LRP1B: variants seen among roughly 807,000 people sequenced by gnomAD.
The protein encoded by LRP1B is LDL receptor related protein 1B.
In LRP1B, 217 loss-of-function variants were observed where a neutral mutation model predicts 556.6. That is an observed-to-expected ratio of 0.39 (90% CI 0.35 to 0.44). The LOEUF (loss-of-function observed/expected upper bound fraction) is 0.44, where lower values mean the gene tolerates loss of function less well. Ranked by LOEUF, LRP1B falls within the 20% of genes least tolerant of loss-of-function variation. LRP1B has a pLI of 1.00. For missense variants in LRP1B, 5,053 were observed against 5,620.8 expected (o/e 0.90, Z 3.23); for synonymous variants, 2,047 against 1,865.8 (o/e 1.10, Z -2.50).
chr2:141,959,971 G>A (rs73963403), intron 1 of LRP1B, among the ~76,000 whole-genome samples: 2,908 of 151,930 alleles, frequency 0.019, 59 homozygotes, highest in African/African-American at 0.06. Flanking sequence ...TAAAATGTAG[G>A]AAAAATAGAA....
At chr2:140,737,150 T>A (rs1687974526) in intron 35 of LRP1B, among the ~76,000 whole-genome samples, 1 of 152,086 alleles carries the variant, frequency 6.6e-6, no homozygotes, top group African/African-American at 2.4e-5. Flanking sequence ...TAAATGAATT[T>A]TTAGTTCCAG....
chr2:141,440,304 C>T (rs1680915688), intron 3 of LRP1B, among the ~76,000 whole-genome samples: 1 of 152,244 alleles, frequency 6.6e-6, no homozygotes, highest in African/African-American at 2.4e-5. Flanking sequence ...GTCTGCAATA[C>T]TTCACTTCTC....
intron 1 of LRP1B, among the ~76,000 whole-genome samples, chr2:141,997,417 G>GTA (rs1294980465): frequency 4.2e-4 from 1 of 2,392 alleles, no homozygotes; most frequent in African/African-American, 2.1e-3. Flanking sequence ...ATGTATATAT[G>GTA]TGTGTGTGTG....
At chr2:140,413,689 A>G (rs34850592) in intron 66 of LRP1B, among the ~76,000 whole-genome samples, 14,017 of 152,244 alleles carry the variant, frequency 0.092, 769 homozygotes, top group Middle Eastern at 0.14. Flanking sequence ...TCTAGCTATC[A>G]TATCATTTGC....
chr2:140,810,842 T>C (rs1174995009), intron 32 of LRP1B, among the ~76,000 whole-genome samples: 1 of 152,124 alleles, frequency 6.6e-6, no homozygotes, highest in African/African-American at 2.4e-5. Context: ...GTTCAAGCGA[T>C]TCTCCTGCCT....
chr2:140,257,090 A>C (rs568031550), intron 86 of LRP1B, among the ~76,000 whole-genome samples: 1 of 152,204 alleles, frequency 6.6e-6, no homozygotes, highest in Admixed American at 6.5e-5. Context: ...TCTTAAGCAA[A>C]TTTTGCTGGT....
At chr2:141,047,050 A>ACAGAGC (rs1553451707) in intron 11 of LRP1B, among the ~76,000 whole-genome samples, 2 of 6,896 alleles carry the variant, frequency 2.9e-4, no homozygotes, top group African/African-American at 5.2e-4. Context: ...GCACTGCACA[A>ACAGAGC]AAATTAATAA....
chr2:141,880,068 C>A (rs1239015219), intron 1 of LRP1B, among the ~76,000 whole-genome samples: 1 of 151,834 alleles, frequency 6.6e-6, no homozygotes, highest in Admixed American at 6.6e-5. Context: ...AGAATTAGAC[C>A]AGAAGGTCTC....
At position 140,379,452 on chromosome 2, in the gene LRP1B, T is replaced by C. The variant is rs144845130; in HGVS notation, c.10532-1166A>G. Among the ~76,000 whole-genome samples the C allele has an allele frequency of 2.7e-3, 411 of 152,204 alleles. 3 individuals carry two copies. Among genetic ancestry groups the C allele is most frequent in the African/African-American group, 9.2e-3 (383 of 41,538 alleles). ...GGCTCACGCCTGTAATCTCAGCACT[T>C]GGGAGGCCGAGGCGGGCAGATCAGT... On this transcript the variant is annotated intron_variant, in intron 67 of 90. Transcript: ENST00000389484.
chr2:141,930,755 A>C (rs1447310700), intron 1 of LRP1B, among the ~76,000 whole-genome samples: 1 of 152,054 alleles, frequency 6.6e-6, no homozygotes, highest in Non-Finnish European at 1.5e-5. Flanking sequence ...TAAAAGCAAA[A>C]GACTGAATAA....
At chr2:141,368,136 T>A (rs1455574422) in intron 3 of LRP1B, among the ~76,000 whole-genome samples, 1 of 152,212 alleles carries the variant, frequency 6.6e-6, no homozygotes, top group East Asian at 1.9e-4. Flanking sequence ...ATTAAGATGA[T>A]TACCTTAGGA....
intron 25 of LRP1B, among the ~76,000 whole-genome samples, chr2:140,870,329 C>T (rs13416050): frequency 0.52 from 79,533 of 151,840 alleles, 22,422 homozygotes; most frequent in Middle Eastern, 0.65. Flanking sequence ...TGGCCCAGGA[C>T]GTTGTCTATT....
chr2:141,752,943 C>CCGAAAAAAAAA (rs1694170368), intron 2 of LRP1B, among the ~76,000 whole-genome samples: 1 of 994 alleles, frequency 1.0e-3, no homozygotes, highest in Non-Finnish European at 2.6e-3. Context: ...GACCCTGTCT[C>CCGAAAAAAAAA]AGAAAAAAAA....
At chr2:140,704,924 T>G (rs1372083866) in intron 37 of LRP1B, among the ~76,000 whole-genome samples, 1 of 152,182 alleles carries the variant, frequency 6.6e-6, no homozygotes, top group Non-Finnish European at 1.5e-5. Context: ...CAAATAAATG[T>G]GTTTATTGCT....
chr2:141,253,332 G>A (rs189821182), intron 4 of LRP1B, among the ~76,000 whole-genome samples: 86 of 152,272 alleles, frequency 5.6e-4, no homozygotes, highest in Non-Finnish European at 1.1e-3. Context: ...AATGACATGA[G>A]TCAAATAAAT....
rs370554893 is a variant in LRP1B, at chr2:140,956,407, T to G, written c.2888-4467A>C. ...GAAAGATTTGGGAAGGAATTAAAAATTTAATTCTTCATTCTGTAGTTTACA... is the reference window on the plus strand; with the variant it reads ...GAAAGATTTGGGAAGGAATTAAAAAGTTAATTCTTCATTCTGTAGTTTACA... On this transcript the variant is annotated intron_variant, in intron 18 of 90. Coordinates refer to ENST00000389484, the MANE Select transcript of LRP1B (RefSeq NM_018557.3). 3.3e-5 allele frequency among the ~76,000 whole-genome samples: 5 copies of G among 151,926 alleles called. No homozygotes were observed. The East Asian group carries it at 5.8e-4, about 18-fold the overall frequency.
intron 3 of LRP1B, among the ~76,000 whole-genome samples, chr2:141,420,616 C>G (rs1680100466): frequency 6.6e-6 from 1 of 152,136 alleles, no homozygotes; most frequent in South Asian, 2.1e-4. Context: ...GTCAGTGTAC[C>G]AAGGCAGGTA....
intron 41 of LRP1B, among the ~76,000 whole-genome samples, chr2:140,660,885 TA>T (rs1189823400): frequency 1.4e-5 from 2 of 145,046 alleles, no homozygotes; most frequent in Admixed American, 6.9e-5. Context: ...TTTTTTTTTT[TA>T]AACTCTCATT....
chr2:141,609,723 C>T (rs1688038172), intron 2 of LRP1B, among the ~76,000 whole-genome samples: 1 of 151,956 alleles, frequency 6.6e-6, no homozygotes, highest in Non-Finnish European at 1.5e-5. Flanking sequence ...CTCCTTTTTT[C>T]CTCTAATGGT....
Sources: allele counts gnomAD v4.1 joint callset (sites outside exome capture counted in the v4.1 genomes callset), GRCh38; gene constraint gnomAD v4.1.1; transcripts MANE v1.5; gene names NCBI Gene and HGNC (gene_info 2026-07-23, HGNC 2026-07-21).